The following ZDHHC13 variants were observed in gnomAD, a reference collection of about 807,000 sequenced individuals.
ZDHHC13 encodes the protein zDHHC palmitoyltransferase 13.
In ZDHHC13, 85 loss-of-function variants were observed where a neutral mutation model predicts 86.0. The ratio of observed to expected loss-of-function variants is 0.99; its 90% CI spans 0.83 to 1.18. ZDHHC13 has a LOEUF of 1.18. Among genes scored for constraint, ZDHHC13 ranks in the 50% most tolerant of loss-of-function variants. The probability of loss-of-function intolerance (pLI) is 0.00; values close to 1 mark genes in which losing one functional copy is unlikely to be tolerated. For synonymous variants in ZDHHC13, 263 were observed against 246.4 expected, an observed-to-expected ratio of 1.07 and a Z score of -0.63; for missense variants, 711 against 730.2, an observed-to-expected ratio of 0.97 and a Z score of 0.30.
rs1161301304 is a variant in ZDHHC13 at position 19,117,283 on chromosome 11, G to A, written c.27+7G>A. ...GCCGGGGCTGGGCTCGCAGGTGAGT[G>A]CGGCCGGGCGGTGGCTGTCCTGGGG... On this transcript the variant is annotated splice_region_variant and intron_variant, in intron 1 of 16. Transcript: ENST00000446113. The surrounding 1 kb of genome is among the most constrained non-coding windows in gnomAD (Gnocchi z 4.2). 15 of 1,476,876 alleles carry A rather than the reference G, an allele frequency of 1.0e-5. No individual in the cohort carries two copies. The highest frequency in any genetic ancestry group is 2.4e-4 in the Middle Eastern group (1 of 4,098). The allele number at this position is 1,476,876 out of a possible 1,614,324, so 91.5% of individuals were successfully genotyped here. A position where few individuals can be genotyped will look rare whatever the true frequency, so the allele number is the denominator to read the frequency against.
chr11:19,139,012 G>T (rs1004316132), intron 1 of ZDHHC13, among the ~76,000 whole-genome samples: 4 of 152,056 alleles, frequency 2.6e-5, no homozygotes, highest in Admixed American at 2.6e-4. Flanking sequence ...ACAAGACATG[G>T]ATGCCCTCTC....
intron 11 of ZDHHC13, among the ~76,000 whole-genome samples, chr11:19,164,001 A>G (rs1215521884): frequency 1.3e-5 from 2 of 152,072 alleles, no homozygotes; most frequent in East Asian, 1.9e-4. Context: ...GTATATTTGC[A>G]TATTTATTTT....
intron 16 of ZDHHC13, among the ~76,000 whole-genome samples, chr11:19,174,449 G>T (rs1286991963): frequency 9.9e-5 from 15 of 152,176 alleles, no homozygotes; most frequent in African/African-American, 3.4e-4. Flanking sequence ...CTTCTTCCCA[G>T]GAAGTTGCCC....
At chr11:19,150,877 G>A (rs1018765352) in intron 6 of ZDHHC13, 86 bp downstream of exon 6, 11 of 1,217,820 alleles carry the variant, frequency 9.0e-6, no homozygotes, top group Non-Finnish European at 1.3e-5. Context: ...CTGTGTCTAT[G>A]TGAGATGATA....
intron 10 of ZDHHC13, among the ~76,000 whole-genome samples, chr11:19,160,677 G>C (rs1258335443): frequency 2.6e-5 from 4 of 151,760 alleles, no homozygotes; most frequent in African/African-American, 9.7e-5. Context: ...GTCATAAATG[G>C]TTACAACCCA....
In ZDHHC13 at chr11:19,131,457, TA is replaced by T. The variant is rs373721167; in HGVS notation, c.28-11513del. Among the ~76,000 whole-genome samples the T allele has an allele frequency of 6.8e-3, 1,038 of 152,142 alleles. 9 individuals carry two copies. Among genetic ancestry groups the T allele is most frequent in the African/African-American group, 0.024 (980 of 41,512 alleles). On this transcript the variant is annotated intron_variant, in intron 1 of 16. Transcript: ENST00000446113. ...TTTTTGGTATAATTTCTTCAAATATTAAAAAAAACTTTTTTCCTTGTCTTCT... is the reference window on the plus strand; with the variant it reads ...TTTTTGGTATAATTTCTTCAAATATTAAAAAAACTTTTTTCCTTGTCTTCT...
At chr11:19,164,416 GT>G in intron 12 of ZDHHC13, 53 bp downstream of exon 12, 1 of 1,526,876 alleles carries the variant, frequency 6.5e-7, no homozygotes, top group Non-Finnish European at 9.0e-7. Context: ...TCTTGGTAAC[GT>G]TGCTGATGTA....
intron 3 of ZDHHC13, 25 bp from the exon 4 acceptor site, chr11:19,147,571 T>C (rs760977454): frequency 1.9e-6 from 3 of 1,561,010 alleles, no homozygotes; most frequent in Non-Finnish European, 2.6e-6. Flanking sequence ...CAAATCTTAC[T>C]TTCATTTGTG....
chr11:19,172,785 G>T lies in ZDHHC13; in HGVS notation c.1695G>T (p.Met565Ile). Residue 565 changes from methionine to isoleucine, a missense_variant, in exon 16 of 17, where the codon ATG becomes ATT. Physicochemically the swap from Met to Ile is conservative, Grantham distance 10 (BLOSUM62 1). Coordinates refer to ENST00000446113, the MANE Select transcript of ZDHHC13 (RefSeq NM_019028.3). ...RISLQKQSKH[M>I]KQTLSLRKTP... is the part of the protein sequence containing the mutation. ...GCCTGCAGAAGCAGAGCAAGCATAT[G>T]AAACAGACGTTGTCCCTCAGGAAGA... The T allele has an allele frequency of 6.2e-7, 1 of 1,606,620 alleles. No homozygotes were observed. Among genetic ancestry groups the T allele is most frequent in the Non-Finnish European group, 8.5e-7 (1 of 1,176,530 alleles).
chr11:19,142,989 C>T lies in ZDHHC13; in HGVS notation c.39C>T (p.His13=). 1.2e-6 allele frequency: 2 copies of T among 1,608,444 alleles called. No individual in the cohort carries two copies. Among genetic ancestry groups the T allele is most frequent in the Non-Finnish European group, 1.7e-6 (2 of 1,176,952 alleles). ...CTCTTACTCTTCAGTGCAGGAATCA[C>T]AGCCATGGCCCCCACCCTCCAGGAT... ...GPGLGSQCRN[H]SHGPHPPGFG... Residue 13 remains histidine (H), a synonymous_variant, in exon 2 of 17, where the codon CAC becomes CAT. Transcript: ENST00000446113.
At chr11:19,161,126 C>T (rs1031145647) in intron 10 of ZDHHC13, among the ~76,000 whole-genome samples, 14 of 152,012 alleles carry the variant, frequency 9.2e-5, no homozygotes, top group Non-Finnish European at 5.9e-5. Context: ...ACTGAGATGC[C>T]GCCCTGGGTT....
At chr11:19,155,119 C>T (rs572210207) in intron 8 of ZDHHC13, among the ~76,000 whole-genome samples, 49 of 152,242 alleles carry the variant, frequency 3.2e-4, no homozygotes, top group Admixed American at 8.5e-4. Flanking sequence ...TTATAGTTCC[C>T]TCATTGAGTC....
chr11:19,121,382 A>G (rs1254931905), intron 1 of ZDHHC13, among the ~76,000 whole-genome samples: 1 of 152,198 alleles, frequency 6.6e-6, no homozygotes, highest in Non-Finnish European at 1.5e-5. Flanking sequence ...CCTAACTAGA[A>G]TATAAGTTCC....
At position 19,176,011 on chromosome 11, in the gene ZDHHC13, G is replaced by A; in HGVS notation, c.*51G>A. ...CTGATTTGTTTTTGTTTATGTCGATGCCCTGTAGTTTGAAAGTGAAGTAAA... is the reference window on the plus strand; with the variant it reads ...CTGATTTGTTTTTGTTTATGTCGATACCCTGTAGTTTGAAAGTGAAGTAAA... On this transcript the variant is annotated 3_prime_UTR_variant, in exon 17 of 17. Transcript: ENST00000446113. 6.5e-7 allele frequency: 1 copy of A among 1,547,258 alleles called. No homozygotes were observed. Among genetic ancestry groups the A allele is most frequent in the Non-Finnish European group, 8.7e-7 (1 of 1,150,576 alleles).
intron 15 of ZDHHC13, among the ~76,000 whole-genome samples, chr11:19,171,871 C>A (rs1850230215): frequency 6.6e-6 from 1 of 152,126 alleles, no homozygotes; most frequent in Non-Finnish European, 1.5e-5. Flanking sequence ...CGGAAACGTT[C>A]ATTTCCTGAG....
intron 8 of ZDHHC13, among the ~76,000 whole-genome samples, chr11:19,153,710 T>C: frequency 6.6e-6 from 1 of 152,174 alleles, no homozygotes; most frequent in Non-Finnish European, 1.5e-5. Flanking sequence ...AGTCTAGACC[T>C]TTCCATGCTC....
intron 2 of ZDHHC13, among the ~76,000 whole-genome samples, chr11:19,143,615 T>C (rs1287533689): frequency 1.3e-5 from 2 of 152,226 alleles, no homozygotes; most frequent in Non-Finnish European, 2.9e-5. Context: ...CTGGACTAAC[T>C]AGAAGAAATA....
chr11:19,166,524 A>T, intron 14 of ZDHHC13, 139 bp downstream of exon 14: 1 of 594,368 alleles, frequency 1.7e-6, no homozygotes, highest in Non-Finnish European at 2.8e-6. Flanking sequence ...TGCCTCTAAG[A>T]CTCCCTCAGC....
At chr11:19,142,326 G>T (rs1053256580) in intron 1 of ZDHHC13, among the ~76,000 whole-genome samples, 2 of 152,124 alleles carry the variant, frequency 1.3e-5, no homozygotes, top group Non-Finnish European at 2.9e-5. Flanking sequence ...ACTTTTTCAA[G>T]GCCAGCAGAA....
Sources: gnomAD v4.1 joint callset for allele counts (sites outside exome capture counted in the v4.1 genomes callset) on GRCh38, gnomAD v4.1.1 for gene constraint, Gnocchi (gnomAD v3.1) non-coding constraint, MANE v1.5 for transcripts, NCBI Gene and HGNC (gene_info 2026-07-23, HGNC 2026-07-21) for gene names.